SNX18: variants seen among roughly 807,000 people sequenced by gnomAD.
SNX18 encodes sorting nexin-18.
SNX18 carries 35 observed loss-of-function variants against 48.7 expected under a neutral mutation model. The ratio of observed to expected loss-of-function variants is 0.72; its 90% confidence interval spans 0.55 to 0.95. The LOEUF (loss-of-function observed/expected upper bound fraction) is 0.95, where lower values mean the gene tolerates loss of function less well. Among genes scored for constraint, SNX18 ranks in the 40% least tolerant of loss-of-function variants. The pLI, the probability that SNX18 is intolerant of heterozygous loss-of-function variation, is 0.00. For missense variants in SNX18, 824 were observed against 871.0 expected (o/e 0.95, Z 0.68); for synonymous variants, 492 against 384.7 (o/e 1.28, Z -3.26).
At chr5:54,635,770 G>A in the SNX18 span, among the ~76,000 whole-genome samples, 7 of 152,188 alleles carry the variant, frequency 4.6e-5, no homozygotes, top group South Asian at 2.1e-4. Context: ...AGAGGGCCTC[G>A]CACTTGATTT....
chr5:54,517,947 G>C lies in SNX18; in HGVS notation c.-6G>C. 1 of 1,504,928 alleles carries C rather than the reference G, an allele frequency of 6.6e-7. No individual in the cohort carries two copies. The allele number at this position is 1,504,928 out of a possible 1,614,324, so 93.2% of individuals were successfully genotyped here. On this transcript the variant is annotated 5_prime_UTR_variant, in exon 1 of 2. Coordinates refer to ENST00000381410, the MANE Select transcript of SNX18 (RefSeq NM_001102575.2). The stretch of plus-strand genomic sequence containing the variant: ...AGTCGGGACCGCCAGTCGGGGCGCC[G>C]GGACCATGGCGCTGCGCGCCCGGGC...
the SNX18 span, among the ~76,000 whole-genome samples, chr5:54,563,629 T>C: frequency 6.6e-6 from 1 of 152,310 alleles, no homozygotes; most frequent in Non-Finnish European, 1.5e-5. Context: ...GACACATGAC[T>C]GTATGTTTTC....
At position 54,517,783 on chromosome 5, in the gene SNX18, CT is replaced by C. The variant is rs1761891660; in HGVS notation, c.-169del. ...CAGTCGGCGCTGCGAAGTGGAGGCG[CT>C]GCGAGCGGAGCCGCGCGGAGGGCGC... On this transcript the variant is annotated 5_prime_UTR_variant, in exon 1 of 2. Transcript: ENST00000381410. 1.8e-6 allele frequency: 1 copy of C among 550,926 alleles called. No individual in the cohort carries two copies. Among genetic ancestry groups the C allele is most frequent in the Non-Finnish European group, 2.7e-6 (1 of 376,120 alleles). The allele number at this position is 550,926 out of a possible 1,614,324, so 34.1% of individuals were successfully genotyped here.
chr5:54,556,608 A>G, the SNX18 span, among the ~76,000 whole-genome samples: 25 of 152,180 alleles, frequency 1.6e-4, no homozygotes, highest in Non-Finnish European at 2.9e-4. Flanking sequence ...TGCCATGAAC[A>G]TAGCCTATTC....
At chr5:54,537,783 C>T (rs554456823) in intron 1 of SNX18, among the ~76,000 whole-genome samples, 87 of 152,114 alleles carry the variant, frequency 5.7e-4, no homozygotes, top group Non-Finnish European at 1.1e-3. Context: ...ATGTGTAGTC[C>T]TTGTGTTATT....
intron 1 of SNX18, among the ~76,000 whole-genome samples, chr5:54,535,096 C>G (rs1309734123): frequency 6.6e-6 from 1 of 152,052 alleles, no homozygotes; most frequent in Non-Finnish European, 1.5e-5. Context: ...CTTTTGTTTT[C>G]ATTGTTTTAT....
the SNX18 span, among the ~76,000 whole-genome samples, chr5:54,588,602 C>G: frequency 1.3e-5 from 2 of 152,134 alleles, no homozygotes; most frequent in Non-Finnish European, 2.9e-5. Context: ...GCTGGGATTA[C>G]AGGCGTGAGC....
At chr5:54,643,280 C>G in the SNX18 span, among the ~76,000 whole-genome samples, 1 of 151,984 alleles carries the variant, frequency 6.6e-6, no homozygotes, top group Non-Finnish European at 1.5e-5. Flanking sequence ...TGCTTTTTGC[C>G]ATAATGTATT....
chr5:54,532,227 A>G (rs574554195), intron 1 of SNX18, among the ~76,000 whole-genome samples: 124 of 152,014 alleles, frequency 8.2e-4, no homozygotes, highest in Non-Finnish European at 1.4e-3. Flanking sequence ...TACTTTCCCA[A>G]GTTCACTCTT....
chr5:54,537,428 TA>T (rs1762378783), intron 1 of SNX18, among the ~76,000 whole-genome samples: 1 of 152,260 alleles, frequency 6.6e-6, no homozygotes, highest in Non-Finnish European at 1.5e-5. Flanking sequence ...TGCAGCTAAC[TA>T]ATGAAGCAGT....
chr5:54,554,489 A>G, the SNX18 span, among the ~76,000 whole-genome samples: 3 of 152,174 alleles, frequency 2.0e-5, no homozygotes, highest in Non-Finnish European at 4.4e-5. Flanking sequence ...TTCATCTCTA[A>G]ATGAGGCCTT....
the SNX18 span, among the ~76,000 whole-genome samples, chr5:54,627,694 G>A: frequency 6.6e-6 from 1 of 152,100 alleles, no homozygotes; most frequent in African/African-American, 2.4e-5. Context: ...TGGCAGGGGT[G>A]CAGATTCCAG....
chr5:54,631,696 C>G, the SNX18 span, among the ~76,000 whole-genome samples: 1 of 152,154 alleles, frequency 6.6e-6, no homozygotes, highest in Non-Finnish European at 1.5e-5. Context: ...ACAATCAGTA[C>G]TAGCTGAAGG....
At chr5:54,600,804 G>A in the SNX18 span, among the ~76,000 whole-genome samples, 168 of 152,264 alleles carry the variant, frequency 1.1e-3, no homozygotes, top group African/African-American at 3.9e-3. Flanking sequence ...AGAGAATGGA[G>A]CAACACACAC....
chr5:54,603,680 T>C, the SNX18 span, among the ~76,000 whole-genome samples: 67 of 152,306 alleles, frequency 4.4e-4, no homozygotes, highest in African/African-American at 1.5e-3. Context: ...GGAAGGCAAC[T>C]GTCCTGGGGC....
the SNX18 span, among the ~76,000 whole-genome samples, chr5:54,584,846 C>T: frequency 6.6e-6 from 1 of 152,194 alleles, no homozygotes; most frequent in African/African-American, 2.4e-5. Context: ...AAGACCTCTT[C>T]CGAGCTGTCC....
At chr5:54,606,188 C>A in the SNX18 span, among the ~76,000 whole-genome samples, 8 of 152,174 alleles carry the variant, frequency 5.3e-5, no homozygotes. Flanking sequence ...AGACATCCAT[C>A]CATTCATACA....
At position 54,544,209 on chromosome 5, in the gene SNX18, C is replaced by G. The variant is rs532776373; in HGVS notation, c.*777C>G. On this transcript the variant is annotated 3_prime_UTR_variant, in exon 2 of 2. Coordinates refer to ENST00000381410, the MANE Select transcript of SNX18 (RefSeq NM_001102575.2). ...CCCTTAGATGCAACAGTAGCATAGC[C>G]TCTTCACCCAGGCGTCCCAAAAGCT... The G allele has an allele frequency of 6.6e-6, 1 of 152,248 alleles. No individual in the cohort carries two copies. Among genetic ancestry groups the G allele is most frequent in the Non-Finnish European group, 1.5e-5 (1 of 68,026 alleles). The allele number at this position is 152,248 out of a possible 1,614,324, so 9.4% of individuals were successfully genotyped here.
At chr5:54,614,359 C>A in the SNX18 span, among the ~76,000 whole-genome samples, 8,062 of 152,186 alleles carry the variant, frequency 0.053, 289 homozygotes, top group Non-Finnish European at 0.082. Flanking sequence ...GGCTCAGAAG[C>A]CTCAGAGCTA....
Sources: gnomAD v4.1 joint callset for allele counts (sites outside exome capture counted in the v4.1 genomes callset) on GRCh38, gnomAD v4.1.1 for gene constraint, MANE v1.5 for transcripts, NCBI Gene and HGNC (gene_info 2026-07-23, HGNC 2026-07-21) for gene names.